The following CFH variants were observed in gnomAD, a reference collection of about 807,000 sequenced individuals.
CFH encodes the protein H factor 1 (complement).
Under a neutral mutation model 147.3 loss-of-function variants are expected in CFH, and 53 were observed. The observed-to-expected ratio is 0.36, with a 90% CI of 0.29 to 0.45. CFH has a LOEUF of 0.45. Among genes scored for constraint, CFH ranks in the 20% least tolerant of loss-of-function variants. CFH has a pLI of 1.00. For missense variants in CFH, 1,380 were observed against 1,498.0 expected, an observed-to-expected ratio of 0.92 and a Z score of 1.30; for synonymous variants, 536 against 489.4, an observed-to-expected ratio of 1.10 and a Z score of -1.26.
chr1:196,686,931 C>T (rs1326190512), intron 7 of CFH, among the ~76,000 whole-genome samples: 1 of 152,072 alleles, frequency 6.6e-6, no homozygotes, highest in Non-Finnish European at 1.5e-5. Flanking sequence ...AGGCCTGCTT[C>T]ATTACTCACT....
At chr1:196,745,552 A>T (rs1435381399) in intron 20 of CFH, among the ~76,000 whole-genome samples, 1 of 152,202 alleles carries the variant, frequency 6.6e-6, no homozygotes, top group Non-Finnish European at 1.5e-5. Context: ...GCATGTATTC[A>T]TTCGGAAAGA....
intron 6 of CFH, among the ~76,000 whole-genome samples, chr1:196,681,157 A>G (rs184710117): frequency 2.6e-5 from 4 of 152,018 alleles, no homozygotes; most frequent in Admixed American, 2.0e-4. Flanking sequence ...ATCAAAATGT[A>G]ACTTATAAAC....
chr1:196,701,646 C>T (rs1180088399), intron 9 of CFH: 9 of 350,768 alleles, frequency 2.6e-5, no homozygotes, highest in African/African-American at 1.7e-4. Context: ...TTGTGGCAAG[C>T]CAGGTCGAGG....
chr1:196,726,347 T>G, intron 12 of CFH, 123 bp from the exon 13 acceptor site: 4 of 740,852 alleles, frequency 5.4e-6, no homozygotes, highest in Non-Finnish European at 9.2e-6. Flanking sequence ...TTGTTTAGGA[T>G]GCTATAATAA....
chr1:196,700,816 G>A, intron 9 of CFH: 3 of 985,404 alleles, frequency 3.0e-6, no homozygotes, highest in Non-Finnish European at 3.6e-6. Flanking sequence ...GGGGCCTTCT[G>A]TGTTGGCAGG....
chr1:196,726,381 AT>A, intron 12 of CFH, 88 bp from the exon 13 acceptor site: 1 of 1,027,944 alleles, frequency 9.7e-7, no homozygotes. Context: ...GAATACATGA[AT>A]AAAAGAAGAA....
At chr1:196,691,324 G>T (rs1410078993) in intron 9 of CFH, among the ~76,000 whole-genome samples, 2 of 152,032 alleles carry the variant, frequency 1.3e-5, no homozygotes, top group Admixed American at 6.6e-5. Context: ...AAGTACAAAT[G>T]GGTATTCTGA....
At chr1:196,652,394 A>C (rs1263362612) in intron 1 of CFH, among the ~76,000 whole-genome samples, 1 of 151,976 alleles carries the variant, frequency 6.6e-6, no homozygotes, top group Non-Finnish European at 1.5e-5. Flanking sequence ...AATATAAAAT[A>C]GAATAAAATG....
chr1:196,701,325 C>G, intron 9 of CFH: 1 of 1,613,696 alleles, frequency 6.2e-7, no homozygotes, highest in Non-Finnish European at 8.5e-7. Flanking sequence ...CAGGCTTTAC[C>G]CTCTGAACTT....
chr1:196,701,475 C>G, intron 9 of CFH: 1 of 1,259,912 alleles, frequency 7.9e-7, no homozygotes, highest in Non-Finnish European at 1.1e-6. Flanking sequence ...GTGTATTATT[C>G]CAGCCAGAAT....
chr1:196,671,996 G>A (rs952832818), intron 1 of CFH, among the ~76,000 whole-genome samples: 38 of 151,772 alleles, frequency 2.5e-4, no homozygotes, highest in African/African-American at 8.2e-4. Flanking sequence ...GGCATGTTTT[G>A]ATGAGAATAC....
intron 11 of CFH, among the ~76,000 whole-genome samples, chr1:196,723,744 CA>C (rs1669058617): frequency 6.6e-6 from 1 of 152,036 alleles, no homozygotes; most frequent in Admixed American, 6.6e-5. Flanking sequence ...CCAGCCCTGA[CA>C]GGGGTGTCAG....
At chr1:196,674,893 C>A (rs1231167399) in intron 3 of CFH, among the ~76,000 whole-genome samples, 6 of 152,122 alleles carry the variant, frequency 3.9e-5, no homozygotes, top group Admixed American at 3.9e-4. Flanking sequence ...AGACACACAT[C>A]TGCAGCCCTT....
intron 6 of CFH, 53 bp downstream of exon 6, chr1:196,679,846 T>C (rs1667588714): frequency 1.4e-6 from 2 of 1,434,136 alleles, no homozygotes; most frequent in Non-Finnish European, 1.9e-6. Flanking sequence ...ATATTTTAAT[T>C]AATTCTTTTA....
At chr1:196,688,913 T>A (rs1233053262) in intron 7 of CFH, among the ~76,000 whole-genome samples, 1 of 152,066 alleles carries the variant, frequency 6.6e-6, no homozygotes, top group Admixed American at 6.6e-5. Flanking sequence ...GCCCAGCCCA[T>A]GAATTCAATC....
intron 9 of CFH, among the ~76,000 whole-genome samples, chr1:196,708,914 A>G (rs1668658732): frequency 1.3e-5 from 2 of 152,174 alleles, no homozygotes; most frequent in Admixed American, 6.5e-5. Context: ...TCACTGGGAC[A>G]TGATCAGAAA....
intron 3 of CFH, among the ~76,000 whole-genome samples, chr1:196,674,829 C>T (rs993021412): frequency 6.6e-6 from 1 of 152,104 alleles, no homozygotes; most frequent in South Asian, 2.1e-4. Context: ...CATTTCCTCT[C>T]CTACAAAACA....
intron 9 of CFH, among the ~76,000 whole-genome samples, chr1:196,712,722 C>T (rs1165563306): frequency 6.7e-6 from 1 of 149,980 alleles, no homozygotes; most frequent in Non-Finnish European, 1.5e-5. Flanking sequence ...CCCATTAACT[C>T]GTCATTTAGC....
chr1:196,664,908 ATTCT>A (rs1573000440), intron 1 of CFH, among the ~76,000 whole-genome samples: 2 of 151,978 alleles, frequency 1.3e-5, no homozygotes, highest in East Asian at 3.8e-4. Flanking sequence ...TACTTTTAAG[ATTCT>A]TTATTGCTAA....
Sources: gnomAD v4.1 joint callset for allele counts (sites outside exome capture counted in the v4.1 genomes callset) on GRCh38, gnomAD v4.1.1 for gene constraint, MANE v1.5 for transcripts, NCBI Gene and HGNC (gene_info 2026-07-23, HGNC 2026-07-21) for gene names.